The following CTSH variants were observed in gnomAD, a reference collection of about 807,000 sequenced individuals.
The protein encoded by CTSH is cathepsin H.
Under a neutral mutation model 56.3 loss-of-function variants are expected in CTSH, and 52 were observed. That is an observed-to-expected ratio of 0.92 (90% confidence interval 0.74 to 1.16). CTSH has a LOEUF of 1.16. Among genes scored for constraint, CTSH ranks in the 50% most tolerant of loss-of-function variants. The probability of loss-of-function intolerance (pLI) is 0.00; values close to 1 mark genes in which losing one functional copy is unlikely to be tolerated. For missense variants in CTSH, 406 were observed against 424.5 expected (o/e 0.96, Z 0.38); for synonymous variants, 174 against 155.7 (o/e 1.12, Z -0.88).
intron 5 of CTSH, among the ~76,000 whole-genome samples, chr15:78,932,669 G>A (rs1027554106): frequency 1.3e-5 from 2 of 149,790 alleles, no homozygotes; most frequent in South Asian, 2.1e-4. Context: ...CCCTGTTCCA[G>A]ATCCATTCAT....
At chr15:78,930,537 AAAATAAAT>A (rs145707544) in intron 7 of CTSH, among the ~76,000 whole-genome samples, 15,681 of 147,536 alleles carry the variant, frequency 0.11, 900 homozygotes, top group East Asian at 0.27. Context: ...AAAAAAAGAA[AAAATAAAT>A]AAATAAATAA....
intron 10 of CTSH, among the ~76,000 whole-genome samples, chr15:78,924,318 G>A (rs6495352): frequency 1 from 152,034 of 152,202 alleles, 75,934 homozygotes; most frequent in Middle Eastern, 1. Context: ...ACACTGGTGT[G>A]TTCAAAGGTT....
At position 78,922,117 on chromosome 15, in the gene CTSH, C is replaced by T. The variant is rs369294810; in HGVS notation, c.*13G>A. On this transcript the variant is annotated 3_prime_UTR_variant, in exon 12 of 12. Transcript: ENST00000220166. ...TCTCCTTCTCCGCCAGTCTGCGCTG[C>T]GGCTGCCACGGCTCACACCAGAGGG... 65 of 1,556,576 alleles carry T rather than the reference C, an allele frequency of 4.2e-5. No individual in the cohort carries two copies. In the African/African-American group the frequency reaches 6.8e-4, roughly 16 times the overall value.
intron 2 of CTSH, 131 bp downstream of exon 2, chr15:78,939,009 C>T: frequency 1.2e-6 from 1 of 808,008 alleles, no homozygotes; most frequent in Non-Finnish European, 2.1e-6. Flanking sequence ...GCCAGTTCAA[C>T]TTCTGGAAAG....
At chr15:78,935,125 C>T (rs1230365780) in intron 4 of CTSH, 43 bp from the exon 5 acceptor site, 2 of 1,322,044 alleles carry the variant, frequency 1.5e-6, no homozygotes, top group African/African-American at 1.5e-5. Context: ...ATAAACAAAA[C>T]CAAAAACCTT....
chr15:78,931,644 C>T, intron 6 of CTSH, 138 bp from the exon 7 acceptor site: 1 of 1,532,924 alleles, frequency 6.5e-7, no homozygotes, highest in South Asian at 1.2e-5. Context: ...TATAAACTCC[C>T]CAAGGGCAGG....
rs1387017537 is a variant in CTSH at position 78,929,507 on chromosome 15, A to C, written c.549-14T>G. 1.2e-6 allele frequency: 2 copies of C among 1,602,184 alleles called. No individual in the cohort carries two copies. The highest frequency in any genetic ancestry group is 1.7e-6 in the Non-Finnish European group (2 of 1,172,406). On this transcript the variant is annotated splice_polypyrimidine_tract_variant and intron_variant, in intron 7 of 11. Transcript: ENST00000220166. ...CTGGGGAGACCCCTGCAAGAAGTAC[A>C]CACAGGTGAGCCCACCTGGGGCTGT...
At chr15:78,926,863 C>G in intron 9 of CTSH, 1 of 152,208 alleles carries the variant, frequency 6.6e-6, no homozygotes, top group South Asian at 2.1e-4. Flanking sequence ...AGGGTTGGTA[C>G]AGCACCTAGA....
chr15:78,926,560 C>G (rs2054907470), intron 9 of CTSH: 1 of 152,270 alleles, frequency 6.6e-6, no homozygotes, highest in African/African-American at 2.4e-5. Context: ...GGCCCAAATT[C>G]ACCTGTCCTT....
intron 7 of CTSH, among the ~76,000 whole-genome samples, chr15:78,930,126 C>G (rs2055018840): frequency 6.6e-6 from 1 of 152,254 alleles, no homozygotes; most frequent in African/African-American, 2.4e-5. Context: ...TCTTCCAGTT[C>G]TGCTGAGCGC....
At chr15:78,927,692 C>G (rs1401527447) in intron 9 of CTSH, 21 bp downstream of exon 9, 2 of 1,611,668 alleles carry the variant, frequency 1.2e-6, no homozygotes, top group Non-Finnish European at 1.7e-6. Context: ...TTCCCCATCC[C>G]AGAGGGGGAT....
chr15:78,935,122 A>G, intron 4 of CTSH, 40 bp from the exon 5 acceptor site: 1 of 1,319,416 alleles, frequency 7.6e-7, no homozygotes, highest in Non-Finnish European at 1.1e-6. Context: ...AAAATAAACA[A>G]AACCAAAAAC....
intron 6 of CTSH, 200 bp from the exon 7 acceptor site, chr15:78,931,706 G>C (rs1313887009): frequency 6.9e-6 from 10 of 1,450,948 alleles, no homozygotes; most frequent in African/African-American, 1.4e-5. Context: ...CACATGTCGG[G>C]AGGGGCTCAG....
chr15:78,939,943 A>G (rs2055253989), intron 1 of CTSH, among the ~76,000 whole-genome samples: 1 of 152,232 alleles, frequency 6.6e-6, no homozygotes, highest in African/African-American at 2.4e-5. Context: ...GTTTTTCCTT[A>G]TGGGGACAGG....
At chr15:78,927,257 T>C (rs2054926245) in intron 9 of CTSH, 1 of 175,464 alleles carries the variant, frequency 5.7e-6, no homozygotes, top group Admixed American at 6.1e-5. Context: ...CTCCCTAAGC[T>C]GTGCATGGGC....
intron 3 of CTSH, among the ~76,000 whole-genome samples, chr15:78,936,523 T>C (rs1227877697): frequency 6.6e-6 from 1 of 152,050 alleles, no homozygotes; most frequent in Non-Finnish European, 1.5e-5. Flanking sequence ...AGAAATGAGG[T>C]TCAAGCCCAA....
In CTSH at chr15:78,925,571, C is replaced by G. The variant is rs866963273; in HGVS notation, c.700-131G>C. The G allele has an allele frequency of 1.1e-4, 70 of 621,806 alleles. 1 individual carries two copies. In the Middle Eastern group the frequency reaches 4.6e-3, roughly 41 times the overall value. 38.5% of individuals were successfully genotyped at this position (621,806 alleles called of 1,614,324 possible). On this transcript the variant is annotated intron_variant, in intron 9 of 11. Coordinates refer to ENST00000220166, the MANE Select transcript of CTSH (RefSeq NM_004390.5). ...TGGATGGCCAGAAGCAGCTCCCCTG[C>G]GGCCTCTCTCCCTTCCTGTCTCTGG...
Position 78,929,511 on chromosome 15 carries a change from A to G in CTSH, c.549-18T>C, listed in dbSNP as rs2054999706. On this transcript the variant is annotated intron_variant, in intron 7 of 11. Transcript: ENST00000220166. ...GGAGACCCCTGCAAGAAGTACACACAGGTGAGCCCACCTGGGGCTGTCCTG... is the reference window on the plus strand; with the variant it reads ...GGAGACCCCTGCAAGAAGTACACACGGGTGAGCCCACCTGGGGCTGTCCTG... 6.3e-7 allele frequency: 1 copy of G among 1,592,182 alleles called. No homozygotes were observed. Among genetic ancestry groups the G allele is most frequent in the Admixed American group, 1.7e-5 (1 of 58,514 alleles).
Position 78,927,718 on chromosome 15 carries a change from T to C in CTSH, c.694A>G (p.Thr232Ala), listed in dbSNP as rs2054942663. 6.2e-7 allele frequency: 1 copy of C among 1,614,094 alleles called. No homozygotes were observed. Residue 232 changes from threonine (T) to alanine (A), a missense_variant, in exon 9 of 12, where the codon ACA becomes GCA. By Grantham distance (58) the Thr-to-Ala change is moderately conservative. Transcript: ENST00000220166. ...IGFVKDVANITIYDEEAMVEA... is the reference protein window; with the variant it reads ...IGFVKDVANIAIYDEEAMVEA... ...AGAGGGGGATCGGCACTCACGATTG[T>C]GATGTTGGCTACATCCTTGACAAAG... is the stretch of plus-strand genomic sequence containing the variant.
Sources: allele counts gnomAD v4.1 joint callset (sites outside exome capture counted in the v4.1 genomes callset), GRCh38; gene constraint gnomAD v4.1.1; transcripts MANE v1.5; gene names NCBI Gene and HGNC (gene_info 2026-07-23, HGNC 2026-07-21).